Variants in RCL1 observed in about 807,000 individuals in gnomAD.
RCL1 encodes the protein RNA 3'-terminal phosphate cyclase-like protein.
A neutral mutation model predicts 42.4 loss-of-function variants in RCL1; 24 were observed. The observed-to-expected ratio is 0.57, with a 90% CI of 0.41 to 0.80. The LOEUF (loss-of-function observed/expected upper bound fraction) is 0.80, where lower values mean the gene tolerates loss of function less well. Ranked by LOEUF, RCL1 falls within the 30% of genes least tolerant of loss-of-function variation. The pLI is 0.00. For synonymous variants in RCL1, 228 were observed against 177.3 expected (o/e 1.29, Z -2.27); for missense variants, 578 against 467.9 (o/e 1.24, Z -2.17).
At chr9:4,797,606 C>G (rs1052990303) in intron 1 of RCL1, among the ~76,000 whole-genome samples, 1 of 152,166 alleles carries the variant, frequency 6.6e-6, no homozygotes, top group Non-Finnish European at 1.5e-5. Context: ...ACAGGACAGC[C>G]TCCCACAACA....
Position 4,823,628 on chromosome 9 carries a change from C to G in RCL1, c.208+9C>G. On this transcript the variant is annotated intron_variant, in intron 2 of 8. Coordinates refer to ENST00000381750, the MANE Select transcript of RCL1 (RefSeq NM_005772.5). ...TGAAATAAACCAAACAGGTAAGCTC[C>G]TTTTAGATTCCTAAAAGCACCTCCA... The G allele has an allele frequency of 3.1e-6, 5 of 1,598,494 alleles. No homozygotes were observed. The highest frequency in any genetic ancestry group is 4.3e-6 in the Non-Finnish European group (5 of 1,170,594).
intron 7 of RCL1, among the ~76,000 whole-genome samples, chr9:4,847,210 G>T (rs1173644089): frequency 6.6e-6 from 1 of 152,030 alleles, no homozygotes; most frequent in Non-Finnish European, 1.5e-5. Flanking sequence ...TCTACTTTCA[G>T]TCTTCCATTG....
intron 1 of RCL1, among the ~76,000 whole-genome samples, chr9:4,821,670 G>A (rs929189584): frequency 2.6e-5 from 4 of 152,034 alleles, no homozygotes; most frequent in African/African-American, 7.2e-5. Flanking sequence ...CCAGAGATGG[G>A]CATCTTGCTG....
intron 1 of RCL1, among the ~76,000 whole-genome samples, chr9:4,797,614 A>G (rs1842932446): frequency 6.6e-6 from 1 of 152,234 alleles, no homozygotes; most frequent in South Asian, 2.1e-4. Flanking sequence ...GCCTCCCACA[A>G]CAAAGAATTA....
chr9:4,823,916 A>T (rs1816674723), intron 2 of RCL1, among the ~76,000 whole-genome samples: 1 of 152,158 alleles, frequency 6.6e-6, no homozygotes, highest in African/African-American at 2.4e-5. Context: ...TCATTTTAAA[A>T]AATACCGTGT....
intron 4 of RCL1, among the ~76,000 whole-genome samples, chr9:4,833,679 T>A (rs13293734): frequency 0.23 from 35,170 of 152,212 alleles, 4,240 homozygotes; most frequent in South Asian, 0.36. Flanking sequence ...CTGTATTTTG[T>A]TGAATTATAT....
chr9:4,833,252 C>CAT (rs746351711), intron 4 of RCL1, 24 bp downstream of exon 4: 1 of 1,555,188 alleles, frequency 6.4e-7, no homozygotes, highest in Non-Finnish European at 8.9e-7. Flanking sequence ...AACTGTTGAC[C>CAT]ATATGTTCCT....
intron 1 of RCL1, among the ~76,000 whole-genome samples, chr9:4,797,112 G>C (rs542167758): frequency 9.2e-5 from 14 of 152,260 alleles, no homozygotes; most frequent in African/African-American, 3.1e-4. Flanking sequence ...ATTAGCTCTT[G>C]GTCCTTGGGC....
intron 3 of RCL1, among the ~76,000 whole-genome samples, chr9:4,829,412 T>G (rs1480321256): frequency 6.6e-6 from 1 of 152,028 alleles, no homozygotes; most frequent in Non-Finnish European, 1.5e-5. Context: ...ATCATGATCG[T>G]AAAGATCATT....
chr9:4,814,927 T>C (rs1406547913), intron 1 of RCL1, among the ~76,000 whole-genome samples: 1 of 152,060 alleles, frequency 6.6e-6, no homozygotes, highest in Non-Finnish European at 1.5e-5. Context: ...GCATTTTGAA[T>C]ATATCATCTT....
chr9:4,852,839 G>GT (rs1234057150), intron 8 of RCL1, among the ~76,000 whole-genome samples: 1 of 151,796 alleles, frequency 6.6e-6, no homozygotes, highest in Non-Finnish European at 1.5e-5. Flanking sequence ...GAGTAGCCCG[G>GT]TCAGGTCACT....
intron 7 of RCL1, among the ~76,000 whole-genome samples, chr9:4,846,757 A>T (rs1445017611): frequency 3.3e-5 from 5 of 152,214 alleles, no homozygotes; most frequent in Non-Finnish European, 7.4e-5. Context: ...ACAGTAGTCC[A>T]GTAGGAGCCT....
chr9:4,820,018 T>C (rs1479646203), intron 1 of RCL1, among the ~76,000 whole-genome samples: 1 of 152,240 alleles, frequency 6.6e-6, no homozygotes, highest in African/African-American at 2.4e-5. Context: ...GTACATCTTT[T>C]AGCTATTTAC....
rs773264187 is a variant in RCL1 at position 4,814,933 on chromosome 9, A to T, written c.137-8615A>T. 2.6e-5 allele frequency among the ~76,000 whole-genome samples: 4 copies of T among 151,490 alleles called. No homozygotes were observed. In the South Asian group the frequency reaches 6.2e-4, roughly 24 times the overall value. ...TTTCTTTCAGCATTTTGAATATATC[A>T]TCTTATTCTCTCATGGTCTATAAGG... On this transcript the variant is annotated intron_variant, in intron 1 of 8. Transcript: ENST00000381750.
At chr9:4,830,797 T>C (rs922415811) in intron 3 of RCL1, among the ~76,000 whole-genome samples, 1 of 152,218 alleles carries the variant, frequency 6.6e-6, no homozygotes, top group Non-Finnish European at 1.5e-5. Flanking sequence ...CTCTCTTTTT[T>C]CTTTTTTTAG....
In RCL1 at chr9:4,860,576, C is replaced by T. The variant is rs574299101; in HGVS notation, c.*301C>T. 3.7e-4 allele frequency: 107 copies of T among 291,092 alleles called. No homozygotes were observed. Among genetic ancestry groups the T allele is most frequent in the African/African-American group, 2.3e-3 (101 of 44,682 alleles). 18.0% of individuals were successfully genotyped at this position (291,092 alleles called of 1,614,324 possible). A position where few individuals can be genotyped will look rare whatever the true frequency, so the allele number is the denominator to read the frequency against. On this transcript the variant is annotated 3_prime_UTR_variant, in exon 9 of 9. Coordinates refer to ENST00000381750, the MANE Select transcript of RCL1 (RefSeq NM_005772.5). The stretch of plus-strand genomic sequence containing the variant: ...TGCTGCTAGAACAGTCTCGTAGCTG[C>T]AGTTCAGCTGTGCTTCCTCAGCCTA...
chr9:4,844,732 T>C lies in RCL1; in HGVS notation c.867+51T>C, dbSNP rs1554641664. 9.6e-6 allele frequency: 15 copies of C among 1,556,450 alleles called. No homozygotes were observed. In the South Asian group the frequency reaches 1.8e-4, roughly 18 times the overall value. On this transcript the variant is annotated intron_variant, in intron 7 of 8. Coordinates refer to ENST00000381750, the MANE Select transcript of RCL1 (RefSeq NM_005772.5). The stretch of plus-strand genomic sequence containing the variant: ...AGGAGTGACCAGGAAGCAGTTTGTT[T>C]TCTCATTCTCATCTCTTGGCAGCTT...
At chr9:4,801,868 G>C (rs1405098262) in intron 1 of RCL1, among the ~76,000 whole-genome samples, 2 of 147,048 alleles carry the variant, frequency 1.4e-5, no homozygotes, top group African/African-American at 5.0e-5. Context: ...TCTCCATTCT[G>C]TTCCATTGAT....
intron 8 of RCL1, among the ~76,000 whole-genome samples, chr9:4,851,590 G>A (rs565469433): frequency 2.0e-5 from 3 of 152,204 alleles, no homozygotes; most frequent in Admixed American, 2.0e-4. Context: ...GGACCATCAT[G>A]GTGGGGGAAT....
Sources: gnomAD v4.1 joint callset for allele counts (sites outside exome capture counted in the v4.1 genomes callset) on GRCh38, gnomAD v4.1.1 for gene constraint, MANE v1.5 for transcripts, NCBI Gene and HGNC (gene_info 2026-07-23, HGNC 2026-07-21) for gene names.